Variants in LHPP observed in about 807,000 individuals in gnomAD.
LHPP encodes hLHPP.
In LHPP, 24 loss-of-function variants were observed where a neutral mutation model predicts 30.3. That is an observed-to-expected ratio of 0.79 (90% CI 0.57 to 1.11). The LOEUF (loss-of-function observed/expected upper bound fraction) is 1.11. Ranked by LOEUF, LHPP falls within the 50% of genes most tolerant of loss-of-function variation. The pLI is 0.00. For synonymous variants in LHPP, 150 were observed against 157.1 expected (o/e 0.95, Z 0.34); for missense variants, 356 against 367.2 (o/e 0.97, Z 0.25).
At chr10:124,513,399 T>G (rs2133904939) in intron 5 of LHPP, among the ~76,000 whole-genome samples, 1 of 151,634 alleles carries the variant, frequency 6.6e-6, no homozygotes, top group Admixed American at 6.6e-5. Flanking sequence ...GAGGAGCTGG[T>G]TGGTGGTGGT....
At chr10:124,557,322 A>G (rs1037648290) in intron 6 of LHPP, among the ~76,000 whole-genome samples, 3 of 152,238 alleles carry the variant, frequency 2.0e-5, no homozygotes, top group African/African-American at 7.2e-5. Context: ...GCGAACGGGC[A>G]GAGCTGGGCC....
intron 6 of LHPP, among the ~76,000 whole-genome samples, chr10:124,573,257 A>C (rs117949761): frequency 0.014 from 2,150 of 152,344 alleles, 24 homozygotes; most frequent in Middle Eastern, 0.024. Context: ...TCTGTGGTAC[A>C]TTTGTTACAA....
intron 6 of LHPP, among the ~76,000 whole-genome samples, chr10:124,550,864 C>A (rs1385177998): frequency 1.3e-5 from 2 of 152,186 alleles, no homozygotes; most frequent in Non-Finnish European, 2.9e-5. Context: ...CTGTGTGTCC[C>A]CAAGGTAACG....
At chr10:124,595,524 A>C (rs1048224246) in intron 6 of LHPP, among the ~76,000 whole-genome samples, 1 of 152,148 alleles carries the variant, frequency 6.6e-6, no homozygotes, top group Non-Finnish European at 1.5e-5. Context: ...GTCACTCCTA[A>C]ACAGTTATCT....
intron 6 of LHPP, among the ~76,000 whole-genome samples, chr10:124,559,193 C>T (rs759099573): frequency 6.6e-6 from 1 of 152,162 alleles, no homozygotes; most frequent in African/African-American, 2.4e-5. Flanking sequence ...ACAGGAGACT[C>T]GAGGAGGGAG....
chr10:124,604,042 G>A (rs1227387407), intron 6 of LHPP, among the ~76,000 whole-genome samples: 3 of 152,254 alleles, frequency 2.0e-5, no homozygotes, highest in African/African-American at 7.2e-5. Flanking sequence ...CAGGTCCTGG[G>A]AGAAGAGGGG....
At chr10:124,501,469 G>A (rs977892853) in intron 5 of LHPP, among the ~76,000 whole-genome samples, 1 of 151,532 alleles carries the variant, frequency 6.6e-6, no homozygotes, top group Non-Finnish European at 1.5e-5. Flanking sequence ...AGACGTGGTG[G>A]TGTGCACCTA....
chr10:124,567,328 G>A (rs74160935), intron 6 of LHPP, among the ~76,000 whole-genome samples: 2,312 of 152,326 alleles, frequency 0.015, 60 homozygotes, highest in African/African-American at 0.053. Context: ...ACCAGGGAGC[G>A]AGTGCACGCC....
At position 124,553,014 on chromosome 10, in the gene LHPP, A is replaced by G. The variant is rs143291372; in HGVS notation, c.716+35743A>G. Reference sequence around the variant, plus strand: ...TCCTTTAAGCTGGCCTTCCGAGCTGATAATGAGCGCCGCTCAGCGCTCCGC... The same window carrying G: ...TCCTTTAAGCTGGCCTTCCGAGCTGGTAATGAGCGCCGCTCAGCGCTCCGC... On this transcript the variant is annotated intron_variant, in intron 6 of 6. Coordinates refer to ENST00000368842, the MANE Select transcript of LHPP (RefSeq NM_022126.4). Among the ~76,000 whole-genome samples the G allele has an allele frequency of 8.9e-3, 1,349 of 152,386 alleles. 11 individuals carry two copies. The highest frequency in any genetic ancestry group is 0.013 in the Non-Finnish European group (887 of 68,038).
intron 6 of LHPP, among the ~76,000 whole-genome samples, chr10:124,585,380 C>T (rs997771196): frequency 2.0e-5 from 3 of 151,808 alleles, no homozygotes; most frequent in South Asian, 4.2e-4. Context: ...TTTGGGAGGC[C>T]GAGGCGGGCA....
chr10:124,520,817 G>A (rs946098089), intron 6 of LHPP, among the ~76,000 whole-genome samples: 2 of 152,200 alleles, frequency 1.3e-5, no homozygotes, highest in African/African-American at 2.4e-5. Context: ...CTTGTAGCTC[G>A]CCCACAGTGA....
At chr10:124,484,456 G>C (rs1281604036) in intron 2 of LHPP, 130 bp downstream of exon 2, 4 of 909,618 alleles carry the variant, frequency 4.4e-6, no homozygotes, top group African/African-American at 1.7e-5. Flanking sequence ...TCATGGGTTG[G>C]GGGTAAAAAC....
At chr10:124,530,126 A>G (rs1425444098) in intron 6 of LHPP, among the ~76,000 whole-genome samples, 1 of 152,154 alleles carries the variant, frequency 6.6e-6, no homozygotes, top group Non-Finnish European at 1.5e-5. Context: ...AGCGGTGGGC[A>G]GGGGCCAGCA....
chr10:124,578,476 G>A (rs546461900), intron 6 of LHPP, among the ~76,000 whole-genome samples: 44 of 152,354 alleles, frequency 2.9e-4, no homozygotes, highest in South Asian at 2.1e-3. Flanking sequence ...TGTCTCTGAG[G>A]TGGAGCGTCT....
At chr10:124,612,052 C>G (rs1949209031) in intron 6 of LHPP, among the ~76,000 whole-genome samples, 1 of 152,234 alleles carries the variant, frequency 6.6e-6, no homozygotes, top group East Asian at 1.9e-4. Flanking sequence ...TGGCTCACAG[C>G]CCTCCAGGCT....
In LHPP at chr10:124,498,141, C is replaced by G; in HGVS notation, c.624+13C>G. 1 of 1,547,554 alleles carries G rather than the reference C, an allele frequency of 6.5e-7. No homozygotes were observed. The highest frequency in any genetic ancestry group is 1.4e-5 in the African/African-American group (1 of 72,644). On this transcript the variant is annotated intron_variant, in intron 5 of 6. Coordinates refer to ENST00000368842, the MANE Select transcript of LHPP (RefSeq NM_022126.4). ...GGAAGCCCACCAGGTAGGTTGGCGC[C>G]TTGTGAAGTGGGTCAGGGGAGGCAG... is the stretch of plus-strand genomic sequence containing the variant.
chr10:124,487,862 A>T (rs1261688943), intron 2 of LHPP, among the ~76,000 whole-genome samples: 1 of 152,184 alleles, frequency 6.6e-6, no homozygotes, highest in Non-Finnish European at 1.5e-5. Flanking sequence ...AAATTTTCCT[A>T]TTTTAATTTA....
In LHPP at chr10:124,590,071, A is replaced by G. The variant is rs948462308; in HGVS notation, c.717-23193A>G. Among the ~76,000 whole-genome samples the G allele has an allele frequency of 6.6e-6, 1 of 152,172 alleles. No homozygotes were observed. Among genetic ancestry groups the G allele is most frequent in the African/African-American group, 2.4e-5 (1 of 41,430 alleles). Reference sequence around the variant, plus strand: ...TAAATGCGTGATTGACTGGCTTTGCAGGTTTTTTATCCATCGTTCTTTCCA... The same window carrying G: ...TAAATGCGTGATTGACTGGCTTTGCGGGTTTTTTATCCATCGTTCTTTCCA... On this transcript the variant is annotated intron_variant, in intron 6 of 6. Coordinates refer to ENST00000368842, the MANE Select transcript of LHPP (RefSeq NM_022126.4). The surrounding 1 kb of genome is among the most constrained non-coding windows in gnomAD (Gnocchi z 4.3).
chr10:124,500,558 T>C (rs1264490704), intron 5 of LHPP, among the ~76,000 whole-genome samples: 1 of 151,946 alleles, frequency 6.6e-6, no homozygotes, highest in Non-Finnish European at 1.5e-5. Flanking sequence ...TATCCTTTCA[T>C]GTTGTAGCAT....
Sources: allele counts gnomAD v4.1 joint callset (sites outside exome capture counted in the v4.1 genomes callset), GRCh38; gene constraint gnomAD v4.1.1; non-coding constraint Gnocchi (gnomAD v3.1); transcripts MANE v1.5; gene names NCBI Gene and HGNC (gene_info 2026-07-23, HGNC 2026-07-21).